ZNF786: variants seen among roughly 807,000 people sequenced by gnomAD.
ZNF786 encodes zinc finger protein 786.
In ZNF786, 56 loss-of-function variants were observed where a neutral mutation model predicts 63.1. The observed-to-expected ratio is 0.89, with a 90% CI of 0.72 to 1.11. ZNF786 has a LOEUF of 1.11. Ranked by LOEUF, ZNF786 falls within the 50% of genes least tolerant of loss-of-function variation. The pLI is 0.00. For synonymous variants in ZNF786, 485 were observed against 406.9 expected, an observed-to-expected ratio of 1.19 and a Z score of -2.31; for missense variants, 1,213 against 1,041.8, an observed-to-expected ratio of 1.16 and a Z score of -2.26.
intron 1 of ZNF786, among the ~76,000 whole-genome samples, chr7:149,089,360 G>A (rs1825793048): frequency 6.6e-6 from 1 of 151,986 alleles, no homozygotes; most frequent in Admixed American, 6.6e-5. Flanking sequence ...TGTCGCCCAG[G>A]CTGGAGTGCA....
At chr7:149,079,251 A>G (rs1449999241) in intron 2 of ZNF786, among the ~76,000 whole-genome samples, 2 of 152,014 alleles carry the variant, frequency 1.3e-5, no homozygotes, top group African/African-American at 4.8e-5. Context: ...TACTAAAAAT[A>G]CAAAAAAATT....
Position 149,071,570 on chromosome 7 carries a change from T to C in ZNF786, c.1202A>G (p.His401Arg). 2 of 1,612,102 alleles carry C rather than the reference T, an allele frequency of 1.2e-6. No homozygotes were observed. Among genetic ancestry groups the C allele is most frequent in the South Asian group, 2.2e-5 (2 of 90,966 alleles). ...GCGCAGGCGGAAGCGCTTGGTGCAA[T>C]GCGCACACTGGAAGGGCTTTTCTCC... ...HTGEKPFQCA[H>R]CTKRFRLRRL... The change falls in exon 4 of 4, where the codon CAT (histidine) becomes CGT (arginine). Residue 401 changes from histidine (H) to arginine (R), a missense_variant. His to Arg is a conservative substitution (Grantham distance 29). Coordinates refer to ENST00000491431, the MANE Select transcript of ZNF786 (RefSeq NM_152411.4).
intron 1 of ZNF786, among the ~76,000 whole-genome samples, chr7:149,085,337 A>C (rs1379327099): frequency 6.6e-6 from 1 of 152,104 alleles, no homozygotes; most frequent in Non-Finnish European, 1.5e-5. Context: ...TCATACCTGT[A>C]ATCCCAGTAA....
chr7:149,074,314 A>T (rs1348833447), intron 3 of ZNF786, 72 bp downstream of exon 3: 1 of 1,561,656 alleles, frequency 6.4e-7, no homozygotes, highest in African/African-American at 1.4e-5. Flanking sequence ...AAACAGGATG[A>T]CAAGATCAGA....
chr7:149,076,632 T>C (rs1342609544), intron 2 of ZNF786, among the ~76,000 whole-genome samples: 1 of 150,992 alleles, frequency 6.6e-6, no homozygotes, highest in Non-Finnish European at 1.5e-5. Context: ...GGCAGGAGAC[T>C]TGCTTGAACC....
chr7:149,072,512 T>C (rs749705382), intron 3 of ZNF786, 39 bp from the exon 4 acceptor site: 1 of 1,514,714 alleles, frequency 6.6e-7, no homozygotes, highest in South Asian at 1.3e-5. Context: ...TATTCCTGTC[T>C]GCAGCACTAC....
In ZNF786 at chr7:149,070,684, G is replaced by C; in HGVS notation, c.2088C>G (p.Gly696=). The stretch of plus-strand genomic sequence containing the variant: ...GAAAAGGCCTCTCCCCTGTGTGCAG[G>C]CCCTGATGGCTGAGCAGCTGCGCCT... The part of the protein sequence containing the change: ...RLKAQLLSHQ[G]LHTGERPFHC... Residue 696 remains glycine, a synonymous_variant, in exon 4 of 4, where the codon GGC becomes GGG. Transcript: ENST00000491431. 1 of 1,613,880 alleles carries C rather than the reference G, an allele frequency of 6.2e-7. No individual in the cohort carries two copies. Among genetic ancestry groups the C allele is most frequent in the Admixed American group, 1.7e-5 (1 of 60,022 alleles).
intron 1 of ZNF786, among the ~76,000 whole-genome samples, chr7:149,088,629 A>C (rs7797617): frequency 0.011 from 1,623 of 152,322 alleles, 24 homozygotes; most frequent in African/African-American, 0.037. Flanking sequence ...AAATCCAGAG[A>C]GTTACAGAGA....
chr7:149,080,560 T>G (rs1377793551), intron 2 of ZNF786, 31 bp downstream of exon 2: 2 of 1,541,912 alleles, frequency 1.3e-6, no homozygotes, highest in South Asian at 2.6e-5. Context: ...TCCAGTTCCA[T>G]GACCTACCCA....
In ZNF786 at chr7:149,071,815, G is replaced by T. The variant is rs1171890231; in HGVS notation, c.957C>A (p.Ser319Arg). 1 of 1,588,550 alleles carries T rather than the reference G, an allele frequency of 6.3e-7. No individual in the cohort carries two copies. The highest frequency in any genetic ancestry group is 8.5e-7 in the Non-Finnish European group (1 of 1,172,486). Residue 319 changes from serine to arginine, a missense_variant, in exon 4 of 4, where the codon AGC becomes AGA. Physicochemically the swap from Ser to Arg is moderately radical, Grantham distance 110. Coordinates refer to ENST00000491431, the MANE Select transcript of ZNF786 (RefSeq NM_152411.4). Reference sequence around the variant, plus strand: ...CTCTCCAAGAGGCCGGCCCCTCCCGGCTGTGCTGGCACCGGCGAGCCTGCG... The same window carrying T: ...CTCTCCAAGAGGCCGGCCCCTCCCGTCTGTGCTGGCACCGGCGAGCCTGCG... ...DSTQARRCQHSREGPASWREG... is the reference protein window; with the variant it reads ...DSTQARRCQHRREGPASWREG...
At chr7:149,082,473 T>TA in intron 1 of ZNF786, 1 of 832,962 alleles carries the variant, frequency 1.2e-6, no homozygotes, top group Non-Finnish European at 1.4e-6. Context: ...TTTGTTAATT[T>TA]AAAACACTCT....
chr7:149,070,973 C>T lies in ZNF786; in HGVS notation c.1799G>A (p.Arg600Lys). 6.2e-7 allele frequency: 1 copy of T among 1,613,132 alleles called. No homozygotes were observed. The change falls in exon 4 of 4, where the codon AGG becomes AAG. Residue 600 changes from arginine (R) to lysine (K), a missense_variant. Physicochemically the swap from Arg to Lys is conservative, Grantham distance 26 (BLOSUM62 2). Transcript: ENST00000491431. Reference sequence around the variant, plus strand: ...CAGCTGCCCCTTCAGGCGGAAGCTCCTGTTGCACTCTGGGCACTGGAAGGG... The same window carrying T: ...CAGCTGCCCCTTCAGGCGGAAGCTCTTGTTGCACTCTGGGCACTGGAAGGG... ...ERPFQCPECNRSFRLKGQLLS... is the reference protein window; with the variant it reads ...ERPFQCPECNKSFRLKGQLLS...
chr7:149,080,570 A>C, intron 2 of ZNF786, 21 bp downstream of exon 2: 1 of 1,565,166 alleles, frequency 6.4e-7, no homozygotes, highest in Non-Finnish European at 8.6e-7. Context: ...TGACCTACCC[A>C]CAAAGGTGAA....
rs757894726 is a variant in ZNF786 at position 149,071,683 on chromosome 7, A to G, written c.1089T>C (p.His363=). 45 of 1,567,608 alleles carry G rather than the reference A, an allele frequency of 2.9e-5. No individual in the cohort carries two copies. The highest frequency in any genetic ancestry group is 3.4e-5 in the Non-Finnish European group (39 of 1,163,820). Residue 363 remains histidine (H), a synonymous_variant, in exon 4 of 4, where the codon CAT becomes CAC. Coordinates refer to ENST00000491431, the MANE Select transcript of ZNF786 (RefSeq NM_152411.4). ...AGCAGGAGCAGGGCCCCTCTGCGCCATGCTGCAGCGCCTCCGTGTCCCCTT... is the reference window on the plus strand; with the variant it reads ...AGCAGGAGCAGGGCCCCTCTGCGCCGTGCTGCAGCGCCTCCGTGTCCCCTT... The part of the protein sequence containing the change: ...HQEGDTEALQ[H]GAEGPCSCSE...
Position 149,089,017 on chromosome 7 carries a change from C to T in ZNF786, c.18+1606G>A, listed in dbSNP as rs150815790. 6.1e-3 allele frequency among the ~76,000 whole-genome samples: 904 copies of T among 147,582 alleles called. 33 individuals are homozygous for T. The highest frequency in any genetic ancestry group is 0.051 in the Admixed American group (752 of 14,724). On this transcript the variant is annotated intron_variant, in intron 1 of 3. Coordinates refer to ENST00000491431, the MANE Select transcript of ZNF786 (RefSeq NM_152411.4). Reference sequence around the variant, plus strand: ...TGTCGCCCAGGCTGGAGTGCAGTGGCGCGATCTCGGCTCGCTGCAAGCTCC... The same window carrying T: ...TGTCGCCCAGGCTGGAGTGCAGTGGTGCGATCTCGGCTCGCTGCAAGCTCC...
rs761316910 is a variant in ZNF786, at chr7:149,070,669, C to T, written c.2103G>A (p.Glu701=). ...LLSHQGLHTG[E]RPFHCPECDK... ...CACACTCAGGGCAGTGAAAAGGCCT[C>T]TCCCCTGTGTGCAGGCCCTGATGGC... Residue 701 remains glutamate (E), a synonymous_variant, in exon 4 of 4, where the codon GAG becomes GAA. Transcript: ENST00000491431. 3.1e-6 allele frequency: 5 copies of T among 1,613,874 alleles called. No individual in the cohort carries two copies. Among genetic ancestry groups the T allele is most frequent in the Non-Finnish European group, 4.2e-6 (5 of 1,179,918 alleles).
intron 2 of ZNF786, among the ~76,000 whole-genome samples, chr7:149,079,630 G>A (rs1325358303): frequency 1.4e-5 from 2 of 144,050 alleles, no homozygotes; most frequent in Non-Finnish European, 3.0e-5. Flanking sequence ...GAGTGCAGTG[G>A]CGTGATCTCA....
chr7:149,071,924 T>G lies in ZNF786; in HGVS notation c.848A>C (p.His283Pro), dbSNP rs759048185. The change falls in exon 4 of 4, where the codon CAT becomes CCT. Residue 283 changes from histidine to proline, a missense_variant. His to Pro is a moderately conservative substitution (Grantham distance 77). Transcript: ENST00000491431. Reference protein sequence around the residue: ...GEMCFRHELTHPSHRLPQQGE... With the variant: ...GEMCFRHELTPPSHRLPQQGE... Reference sequence around the variant, plus strand: ...CTGCTGCGGGAGGCGGTGGCTGGGATGGGTCAGCTCGTGTCGGAAGCACAT... The same window carrying G: ...CTGCTGCGGGAGGCGGTGGCTGGGAGGGGTCAGCTCGTGTCGGAAGCACAT... 1.9e-6 allele frequency: 3 copies of G among 1,608,116 alleles called. No individual in the cohort carries two copies. The highest frequency in any genetic ancestry group is 2.2e-5 in the East Asian group (1 of 44,802).
chr7:149,073,747 GTA>G (rs57987134), intron 3 of ZNF786, among the ~76,000 whole-genome samples: 7,449 of 76,962 alleles, frequency 0.097, 279 homozygotes, highest in Middle Eastern at 0.11. Context: ...GTGTGTGTGT[GTA>G]TATATATATA....
Sources: gnomAD v4.1 joint callset for allele counts (sites outside exome capture counted in the v4.1 genomes callset) on GRCh38, gnomAD v4.1.1 for gene constraint, MANE v1.5 for transcripts, NCBI Gene and HGNC (gene_info 2026-07-23, HGNC 2026-07-21) for gene names.